The following CCSER1 variants were observed in gnomAD, a reference collection of about 807,000 sequenced individuals.
CCSER1 encodes the protein serine-rich coiled-coil domain-containing protein 1.
Under a neutral mutation model 82.0 loss-of-function variants are expected in CCSER1, and 41 were observed. That is an observed-to-expected ratio of 0.50 (90% CI 0.39 to 0.65). The LOEUF is 0.65. Among genes scored for constraint, CCSER1 ranks in the 30% least tolerant of loss-of-function variants. The pLI is 0.00. For synonymous variants in CCSER1, 414 were observed against 383.9 expected, an observed-to-expected ratio of 1.08 and a Z score of -0.92; for missense variants, 1,119 against 1,064.2, an observed-to-expected ratio of 1.05 and a Z score of -0.72.
At chr4:90,820,165 G>C (rs904918828) in intron 8 of CCSER1, among the ~76,000 whole-genome samples, 1 of 152,112 alleles carries the variant, frequency 6.6e-6, no homozygotes, top group African/African-American at 2.4e-5. Context: ...GGAAAATTGG[G>C]ATATGAGTTT....
At chr4:90,596,434 CAAT>C (rs1462942872) in intron 5 of CCSER1, among the ~76,000 whole-genome samples, 2 of 151,706 alleles carry the variant, frequency 1.3e-5, no homozygotes, top group African/African-American at 2.4e-5. Flanking sequence ...CATGTACTAA[CAAT>C]GATATAATTT....
At chr4:91,277,176 A>T (rs1742534128) in intron 10 of CCSER1, among the ~76,000 whole-genome samples, 1 of 152,068 alleles carries the variant, frequency 6.6e-6, no homozygotes, top group African/African-American at 2.4e-5. Flanking sequence ...ATGAGTTAGC[A>T]AGAATTCCCT....
intron 3 of CCSER1, among the ~76,000 whole-genome samples, chr4:90,347,339 A>ATCTG (rs1248421101): frequency 1.3e-5 from 2 of 151,900 alleles, no homozygotes; most frequent in African/African-American, 4.8e-5. Context: ...CTATCTATCT[A>ATCTG]TCTATCTATC....
At chr4:90,812,632 C>G (rs1758497689) in intron 7 of CCSER1, among the ~76,000 whole-genome samples, 1 of 152,118 alleles carries the variant, frequency 6.6e-6, no homozygotes, top group Admixed American at 6.5e-5. Flanking sequence ...TCCATTTTCA[C>G]ACCACTATAA....
chr4:91,585,705 A>C (rs1357397379), intron 10 of CCSER1, among the ~76,000 whole-genome samples: 1 of 151,486 alleles, frequency 6.6e-6, no homozygotes, highest in Non-Finnish European at 1.5e-5. Flanking sequence ...TAAAAGCGTA[A>C]AGGACCTAAA....
chr4:90,260,890 A>G lies in CCSER1; in HGVS notation c.-41-47354A>G, dbSNP rs568854163. ...GCCAGCACACCTGGCTAATTTTTCT[A>G]TTTTTAGTAGAAACGGAATTTCACC... On this transcript the variant is annotated intron_variant, in intron 1 of 10. Transcript: ENST00000509176. Among the ~76,000 whole-genome samples, 330 of 151,952 alleles carry G rather than the reference A, an allele frequency of 2.2e-3. 2 individuals are homozygous for G. Among genetic ancestry groups the G allele is most frequent in the Non-Finnish European group, 3.9e-3 (266 of 67,962 alleles).
At chr4:91,478,323 G>C (rs991755564) in intron 10 of CCSER1, among the ~76,000 whole-genome samples, 3 of 151,812 alleles carry the variant, frequency 2.0e-5, no homozygotes, top group African/African-American at 7.2e-5. Context: ...TTATTTTCAA[G>C]AGTCTGTTTT....
chr4:90,162,858 C>T (rs2153367636), intron 1 of CCSER1, among the ~76,000 whole-genome samples: 1 of 152,246 alleles, frequency 6.6e-6, no homozygotes, highest in South Asian at 2.1e-4. Context: ...GGATTAGAGT[C>T]TGTTAGAAAC....
intron 9 of CCSER1, among the ~76,000 whole-genome samples, chr4:91,059,298 A>G (rs1195465908): frequency 4.9e-5 from 4 of 81,922 alleles, no homozygotes; most frequent in Non-Finnish European, 8.5e-5. Context: ...AAATGTGTGT[A>G]TATATATACG....
rs538507572 is a variant in CCSER1 at position 90,963,890 on chromosome 4, G to C, written c.2172+40443G>C. On this transcript the variant is annotated intron_variant, in intron 9 of 10. Transcript: ENST00000509176. ...AATTTAATAGGGCTTCAAGAAGTTA[G>C]GAGTTGTCAAATATTCTTTTTATTT... Among the ~76,000 whole-genome samples, 38 of 152,282 alleles carry C rather than the reference G, an allele frequency of 2.5e-4. No homozygotes were observed. In the South Asian group the frequency reaches 7.7e-3, roughly 31 times the overall value.
At chr4:90,882,213 T>C (rs1261696760) in intron 8 of CCSER1, among the ~76,000 whole-genome samples, 1 of 151,988 alleles carries the variant, frequency 6.6e-6, no homozygotes, top group African/African-American at 2.4e-5. Context: ...TGAAAATACA[T>C]CACATATATA....
At chr4:90,489,716 C>T (rs1009601883) in intron 5 of CCSER1, among the ~76,000 whole-genome samples, 2 of 152,140 alleles carry the variant, frequency 1.3e-5, no homozygotes, top group East Asian at 1.9e-4. Flanking sequence ...GTTCCCCTTC[C>T]TGTGTCCAGG....
At chr4:90,812,624 C>T (rs749782131) in intron 7 of CCSER1, among the ~76,000 whole-genome samples, 10 of 152,072 alleles carry the variant, frequency 6.6e-5, no homozygotes, top group Non-Finnish European at 1.5e-4. Flanking sequence ...TATACTAGTC[C>T]ATTTTCACAC....
intron 10 of CCSER1, among the ~76,000 whole-genome samples, chr4:91,213,658 A>T (rs62310741): frequency 0.057 from 8,722 of 152,236 alleles, 500 homozygotes; most frequent in African/African-American, 0.15. Context: ...AAAATCAAAG[A>T]AGTATAAAAA....
At chr4:91,311,369 C>T (rs1436183993) in intron 10 of CCSER1, among the ~76,000 whole-genome samples, 1 of 151,894 alleles carries the variant, frequency 6.6e-6, no homozygotes, top group Non-Finnish European at 1.5e-5. Context: ...ATGTTTTTCT[C>T]CTGCCAGAAA....
At chr4:91,460,014 G>A (rs1756416786) in intron 10 of CCSER1, among the ~76,000 whole-genome samples, 1 of 152,100 alleles carries the variant, frequency 6.6e-6, no homozygotes, top group Non-Finnish European at 1.5e-5. Context: ...CATTTTGAAG[G>A]GAAATATGTA....
At chr4:91,347,925 C>T (rs1368372910) in intron 10 of CCSER1, among the ~76,000 whole-genome samples, 1 of 151,370 alleles carries the variant, frequency 6.6e-6, no homozygotes, top group Non-Finnish European at 1.5e-5. Flanking sequence ...CTTAAAAAGA[C>T]AGTTTTATTT....
At chr4:90,893,695 T>C (rs555663204) in intron 8 of CCSER1, among the ~76,000 whole-genome samples, 1 of 152,102 alleles carries the variant, frequency 6.6e-6, no homozygotes, top group South Asian at 2.1e-4. Flanking sequence ...TCAGCATTAC[T>C]TTTACAAATA....
chr4:91,007,124 A>T (rs1225379029), intron 9 of CCSER1, among the ~76,000 whole-genome samples: 1 of 152,008 alleles, frequency 6.6e-6, no homozygotes, highest in Non-Finnish European at 1.5e-5. Flanking sequence ...TGTAAGTCCC[A>T]CTTGTTGTGG....
Sources: gnomAD v4.1 joint callset for allele counts (sites outside exome capture counted in the v4.1 genomes callset) on GRCh38, gnomAD v4.1.1 for gene constraint, MANE v1.5 for transcripts, NCBI Gene and HGNC (gene_info 2026-07-23, HGNC 2026-07-21) for gene names.